MAP4: variants seen among roughly 807,000 people sequenced by gnomAD.
MAP4 encodes the protein microtubule associated protein 4.
MAP4 carries 76 observed loss-of-function variants against 170.2 expected under a neutral mutation model. The observed-to-expected ratio is 0.45, with a 90% CI of 0.37 to 0.54. The LOEUF (loss-of-function observed/expected upper bound fraction) is 0.54, where lower values mean the gene tolerates loss of function less well. Ranked by LOEUF, MAP4 falls within the 20% of genes least tolerant of loss-of-function variation. The pLI, the probability that MAP4 is intolerant of heterozygous loss-of-function variation, is 0.00. For missense variants in MAP4, 2,506 were observed against 2,748.0 expected (o/e 0.91, Z 1.97); for synonymous variants, 909 against 994.5 (o/e 0.91, Z 1.62).
chr3:47,974,618 T>C, intron 3 of MAP4: 1 of 956,544 alleles, frequency 1.0e-6, no homozygotes, highest in Non-Finnish European at 1.2e-6. Flanking sequence ...TGTTTTATGT[T>C]ATATTTCTAT....
At chr3:48,024,558 A>G (rs1018823411) in intron 1 of MAP4, among the ~76,000 whole-genome samples, 2 of 152,174 alleles carry the variant, frequency 1.3e-5, no homozygotes, top group Non-Finnish European at 2.9e-5. Context: ...AACTAAATAC[A>G]AAGAATCCAG....
At chr3:47,976,633 C>G (rs1400395459) in intron 3 of MAP4, among the ~76,000 whole-genome samples, 1 of 152,158 alleles carries the variant, frequency 6.6e-6, no homozygotes, top group Non-Finnish European at 1.5e-5. Context: ...AAAGCAGACA[C>G]AGAAAGTCAA....
intron 2 of MAP4, 95 bp from the exon 3 acceptor site, chr3:47,978,028 TG>T: frequency 2.4e-6 from 2 of 819,874 alleles, no homozygotes; most frequent in Non-Finnish European, 4.3e-6. Context: ...TCTCACTCTT[TG>T]TAGCATTAGG....
chr3:48,037,433 A>C (rs748858753), intron 1 of MAP4, among the ~76,000 whole-genome samples: 1 of 151,928 alleles, frequency 6.6e-6, no homozygotes, highest in Non-Finnish European at 1.5e-5. Context: ...TCATTCTGTT[A>C]CTCAGGCTGG....
At chr3:47,929,108 C>T (rs1577789067) in intron 3 of MAP4, among the ~76,000 whole-genome samples, 2 of 152,286 alleles carry the variant, frequency 1.3e-5, no homozygotes, top group South Asian at 4.1e-4. Flanking sequence ...AATCCCAACA[C>T]TTTGGGAGGC....
chr3:47,939,330 T>A (rs946720023), intron 3 of MAP4, among the ~76,000 whole-genome samples: 1 of 129,848 alleles, frequency 7.7e-6, no homozygotes, highest in Non-Finnish European at 1.5e-5. Flanking sequence ...AAAATTTTCA[T>A]TATTTTACAT....
In MAP4 at chr3:47,927,158, C is replaced by CAAA. The variant is rs544565652; in HGVS notation, c.415+1067_415+1069dup. Reference sequence around the variant, plus strand: ...AGGGTGACAGAGCAAGACTCTGTCTCAAAAAAAAAAAAAAAAGAATTGTAT... The same window carrying CAAA: ...AGGGTGACAGAGCAAGACTCTGTCTCAAAAAAAAAAAAAAAAAAAGAATTGTAT... On this transcript the variant is annotated intron_variant, in intron 4 of 20. Transcript: ENST00000683076. Among the ~76,000 whole-genome samples the CAAA allele has an allele frequency of 2.0e-3, 208 of 105,724 alleles. 4 individuals carry two copies. The highest frequency in any genetic ancestry group is 0.011 in the South Asian group (35 of 3,132). 69.4% of individuals were successfully genotyped at this position (105,724 alleles called of 152,430 possible). A position where few individuals can be genotyped will look rare whatever the true frequency, so the allele number is the denominator to read the frequency against.
At chr3:47,859,047 T>C (rs1215433861) in intron 17 of MAP4, among the ~76,000 whole-genome samples, 1 of 151,980 alleles carries the variant, frequency 6.6e-6, no homozygotes, top group Non-Finnish European at 1.5e-5. Context: ...GAGAATGGCA[T>C]GAACTCGGGA....
At chr3:47,953,763 C>T (rs1172687587) in intron 3 of MAP4, among the ~76,000 whole-genome samples, 2 of 152,108 alleles carry the variant, frequency 1.3e-5, no homozygotes, top group Admixed American at 1.3e-4. Context: ...CCTGTAATCC[C>T]AGTACTTTGG....
At chr3:48,030,010 T>A (rs1442179577) in intron 1 of MAP4, among the ~76,000 whole-genome samples, 3 of 147,080 alleles carry the variant, frequency 2.0e-5, no homozygotes, top group African/African-American at 7.4e-5. Flanking sequence ...TATATATATA[T>A]AATATATGTA....
chr3:47,991,951 G>A (rs2100092605), intron 2 of MAP4, among the ~76,000 whole-genome samples: 1 of 151,670 alleles, frequency 6.6e-6, no homozygotes, highest in South Asian at 2.1e-4. Context: ...GATTATAGGC[G>A]TGAACCACCG....
chr3:47,920,555 T>C (rs934634908), intron 5 of MAP4, among the ~76,000 whole-genome samples: 6 of 150,816 alleles, frequency 4.0e-5, no homozygotes, highest in African/African-American at 1.2e-4. Flanking sequence ...TTTTTTTTTT[T>C]TTTTTTTTTT....
chr3:47,976,895 G>C (rs1578643886), intron 3 of MAP4, among the ~76,000 whole-genome samples: 1 of 152,294 alleles, frequency 6.6e-6, no homozygotes, highest in East Asian at 1.9e-4. Flanking sequence ...TCCTAGAATA[G>C]CTGCTATTGC....
Position 47,991,929 on chromosome 3 carries a change from C to T in MAP4, c.223+6709G>A, listed in dbSNP as rs1272930742. ...CAGGTGATCCACCCGCCTCAGCCTC[C>T]CAAAGTGCTGGGATTATAGGCGTGA... On this transcript the variant is annotated intron_variant, in intron 2 of 20. Transcript: ENST00000683076. 3.3e-5 allele frequency among the ~76,000 whole-genome samples: 5 copies of T among 151,872 alleles called. No homozygotes were observed. In the East Asian group the frequency reaches 9.7e-4, roughly 29 times the overall value.
intron 3 of MAP4, among the ~76,000 whole-genome samples, chr3:47,936,922 G>T (rs1347594784): frequency 3.3e-5 from 5 of 150,056 alleles, no homozygotes; most frequent in Admixed American, 2.7e-4. Context: ...GGAGGTTGCA[G>T]TGAGCCAAGA....
At chr3:48,029,361 A>G (rs574141593) in intron 1 of MAP4, among the ~76,000 whole-genome samples, 2 of 152,192 alleles carry the variant, frequency 1.3e-5, no homozygotes, top group South Asian at 4.2e-4. Context: ...CTTAAAACCC[A>G]GGAGGCGGAG....
intron 17 of MAP4, among the ~76,000 whole-genome samples, chr3:47,864,725 G>A (rs1425324026): frequency 6.6e-6 from 1 of 152,130 alleles, no homozygotes; most frequent in Non-Finnish European, 1.5e-5. Flanking sequence ...AAATTAGCTA[G>A]GCATGGTGGC....
At chr3:48,050,905 CAAAA>C (rs550968391) in intron 1 of MAP4, among the ~76,000 whole-genome samples, 1 of 106,074 alleles carries the variant, frequency 9.4e-6, no homozygotes. Flanking sequence ...AACTCCATCT[CAAAA>C]AAAAAAAAAA....
At chr3:47,944,163 AG>A (rs1316091332) in intron 3 of MAP4, among the ~76,000 whole-genome samples, 1 of 151,858 alleles carries the variant, frequency 6.6e-6, no homozygotes, top group Admixed American at 6.6e-5. Flanking sequence ...TACAAAAATT[AG>A]CTGGGTGTGG....
Sources: allele counts gnomAD v4.1 joint callset (sites outside exome capture counted in the v4.1 genomes callset), GRCh38; gene constraint gnomAD v4.1.1; transcripts MANE v1.5; gene names NCBI Gene and HGNC (gene_info 2026-07-23, HGNC 2026-07-21).